SMARCC1: variants seen among roughly 807,000 people sequenced by gnomAD.
The protein encoded by SMARCC1 is SWI/SNF related BAF chromatin remodeling complex subunit C1, also known as SWI/SNF complex subunit SMARCC1.
Under a neutral mutation model 147.4 loss-of-function variants are expected in SMARCC1, and 43 were observed. That is an observed-to-expected ratio of 0.29 (90% confidence interval 0.23 to 0.38). SMARCC1 has a LOEUF of 0.38. SMARCC1 is among the 10% of genes least tolerant of loss of function. SMARCC1 has a pLI of 1.00. For synonymous variants in SMARCC1, 495 were observed against 484.4 expected (o/e 1.02, Z -0.29); for missense variants, 1,119 against 1,381.1 (o/e 0.81, Z 3.01).
rs1186840946 is a variant in SMARCC1, at chr3:47,604,139, G to A, written c.3043+5927C>T. ...CTTATACCAGCTACATTCATACCTAGAAGTCCGTAAGTGTTTAAGAGCCTA... is the reference window on the plus strand; with the variant it reads ...CTTATACCAGCTACATTCATACCTAAAAGTCCGTAAGTGTTTAAGAGCCTA... On this transcript the variant is annotated intron_variant, in intron 26 of 27. Coordinates refer to ENST00000254480, the MANE Select transcript of SMARCC1 (RefSeq NM_003074.4). 1.1e-5 allele frequency: 5 copies of A among 456,766 alleles called. No individual in the cohort carries two copies. In the East Asian group the frequency reaches 2.1e-4, roughly 19 times the overall value. 28.3% of individuals were successfully genotyped at this position (456,766 alleles called of 1,614,324 possible). A position where few individuals can be genotyped will look rare whatever the true frequency, so the allele number is the denominator to read the frequency against.
chr3:47,671,189 A>AAAAAAAAAAAAAAAAAAAC (rs2033494943), intron 18 of SMARCC1, among the ~76,000 whole-genome samples: 1 of 145,730 alleles, frequency 6.9e-6, no homozygotes. Context: ...AAAAAAAAAA[A>AAAAAAAAAAAAAAAAAAAC]AAAAAAAAAC....
chr3:47,636,565 C>T (rs538635203), intron 22 of SMARCC1, among the ~76,000 whole-genome samples: 43 of 152,272 alleles, frequency 2.8e-4, no homozygotes, highest in African/African-American at 1.0e-3. Context: ...CTGGCCAACA[C>T]AGTGAAATCC....
intron 21 of SMARCC1, among the ~76,000 whole-genome samples, chr3:47,648,981 T>C (rs540160892): frequency 6.6e-6 from 1 of 152,328 alleles, no homozygotes; most frequent in East Asian, 1.9e-4. Context: ...CCTGAAAATA[T>C]ACATCCTACT....
intron 21 of SMARCC1, among the ~76,000 whole-genome samples, chr3:47,639,291 T>A (rs1188896884): frequency 6.6e-6 from 1 of 152,182 alleles, no homozygotes; most frequent in Non-Finnish European, 1.5e-5. Context: ...TCATTTTGGC[T>A]AGACAGGACA....
chr3:47,708,099 T>TTTTC (rs2034036868), intron 9 of SMARCC1, among the ~76,000 whole-genome samples: 1 of 101,044 alleles, frequency 9.9e-6, no homozygotes, highest in African/African-American at 3.5e-5. Flanking sequence ...TTTTTTTTTT[T>TTTTC]TTTTTTTTTT....
At chr3:47,753,430 T>C (rs929908170) in intron 2 of SMARCC1, among the ~76,000 whole-genome samples, 2 of 151,376 alleles carry the variant, frequency 1.3e-5, no homozygotes, top group Non-Finnish European at 2.9e-5. Flanking sequence ...AAAGACAAAG[T>C]AGGCCGGGTG....
intron 2 of SMARCC1, among the ~76,000 whole-genome samples, chr3:47,768,327 C>G (rs6777379): frequency 0.042 from 6,345 of 152,236 alleles, 446 homozygotes; most frequent in African/African-American, 0.14. Context: ...AAGGCAAGTA[C>G]ATCGGTTCCC....
At chr3:47,753,119 G>A (rs2034646018) in intron 2 of SMARCC1, among the ~76,000 whole-genome samples, 1 of 152,072 alleles carries the variant, frequency 6.6e-6, no homozygotes, top group Admixed American at 6.6e-5. Context: ...TCCAAGGGGG[G>A]CGGATCACGA....
intron 21 of SMARCC1, among the ~76,000 whole-genome samples, chr3:47,648,358 C>A (rs764236529): frequency 1.1e-4 from 16 of 151,950 alleles, no homozygotes; most frequent in Non-Finnish European, 1.9e-4. Context: ...ATTCCTCCAT[C>A]AAAAATTACA....
intron 21 of SMARCC1, among the ~76,000 whole-genome samples, chr3:47,639,662 C>T (rs530447714): frequency 1.1e-4 from 17 of 152,124 alleles, no homozygotes; most frequent in African/African-American, 3.9e-4. Flanking sequence ...TGCAGTGAGC[C>T]GAGATTGCAC....
chr3:47,692,130 A>G (rs1433187190), intron 12 of SMARCC1, among the ~76,000 whole-genome samples: 1 of 152,252 alleles, frequency 6.6e-6, no homozygotes, highest in African/African-American at 2.4e-5. Context: ...TCAAAATTTT[A>G]GTAAATACTG....
chr3:47,753,629 T>C (rs889335191), intron 2 of SMARCC1, among the ~76,000 whole-genome samples: 1 of 144,088 alleles, frequency 6.9e-6, no homozygotes, highest in Non-Finnish European at 1.5e-5. Context: ...CAGGAATCGC[T>C]TGAATTCGGG....
chr3:47,721,188 C>T (rs984677510), intron 6 of SMARCC1, among the ~76,000 whole-genome samples: 1 of 152,128 alleles, frequency 6.6e-6, no homozygotes, highest in African/African-American at 2.4e-5. Flanking sequence ...TTACTAACTA[C>T]TCTGCTTCCT....
At position 47,673,404 on chromosome 3, in the gene SMARCC1, G is replaced by T. The variant is rs1365757762; in HGVS notation, c.1839+2071C>A. On this transcript the variant is annotated intron_variant, in intron 18 of 27. Transcript: ENST00000254480. ...CTGTCTCAAAAAAAAAAGGGTGGGG[G>T]GGGGGCAGGCCAGTGGCTCAGGCCT... 2.3e-5 allele frequency among the ~76,000 whole-genome samples: 3 copies of T among 132,212 alleles called. 1 individual carries two copies. Among genetic ancestry groups the T allele is most frequent in the Non-Finnish European group, 5.1e-5 (3 of 59,350 alleles). The allele number at this position is 132,212 out of a possible 152,430, so 86.7% of individuals were successfully genotyped here.
intron 24 of SMARCC1, among the ~76,000 whole-genome samples, chr3:47,622,987 G>C (rs1471890755): frequency 6.6e-6 from 1 of 152,018 alleles, no homozygotes; most frequent in African/African-American, 2.4e-5. Flanking sequence ...ACTTATATCT[G>C]CTTAAGACCC....
At chr3:47,674,605 C>T (rs776015909) in intron 18 of SMARCC1, among the ~76,000 whole-genome samples, 4 of 152,070 alleles carry the variant, frequency 2.6e-5, no homozygotes, top group Admixed American at 1.3e-4. Context: ...ATAATGTACC[C>T]GAGTGTGGTC....
intron 21 of SMARCC1, among the ~76,000 whole-genome samples, chr3:47,652,383 G>A (rs1252163788): frequency 2.0e-5 from 3 of 152,036 alleles, no homozygotes; most frequent in African/African-American, 7.2e-5. Flanking sequence ...AGAGGGCCTG[G>A]GCTCTTCAGC....
At chr3:47,739,045 T>C (rs1229568784) in intron 3 of SMARCC1, among the ~76,000 whole-genome samples, 2 of 152,264 alleles carry the variant, frequency 1.3e-5, no homozygotes, top group Non-Finnish European at 2.9e-5. Context: ...CAAAGTCTAA[T>C]GCCTGTTTCT....
At chr3:47,682,212 G>A (rs1354359333) in intron 14 of SMARCC1, among the ~76,000 whole-genome samples, 2 of 150,380 alleles carry the variant, frequency 1.3e-5, no homozygotes, top group Non-Finnish European at 3.0e-5. Context: ...GGAGAATGGC[G>A]TGAACCCGGA....
Sources: gnomAD v4.1 joint callset for allele counts (sites outside exome capture counted in the v4.1 genomes callset) on GRCh38, gnomAD v4.1.1 for gene constraint, MANE v1.5 for transcripts, NCBI Gene and HGNC (gene_info 2026-07-23, HGNC 2026-07-21) for gene names.